The following ANKDD1B variants were observed in gnomAD, a reference collection of about 807,000 sequenced individuals.
ANKDD1B encodes ankyrin repeat and death domain containing 1B.
In ANKDD1B, 57 loss-of-function variants were observed where a neutral mutation model predicts 59.7. The ratio of observed to expected loss-of-function variants is 0.95; its 90% CI spans 0.77 to 1.19. ANKDD1B has a LOEUF of 1.19. Ranked by LOEUF, ANKDD1B falls within the 50% of genes most tolerant of loss-of-function variation. The pLI, the probability that ANKDD1B is intolerant of heterozygous loss-of-function variation, is 0.00. For missense variants in ANKDD1B, 602 were observed against 641.9 expected (o/e 0.94, Z 0.67); for synonymous variants, 216 against 239.5 (o/e 0.90, Z 0.91).
At chr5:75,657,924 T>C (rs533251410) in intron 9 of ANKDD1B, among the ~76,000 whole-genome samples, 9 of 151,904 alleles carry the variant, frequency 5.9e-5, no homozygotes, top group African/African-American at 2.2e-4. Context: ...AGAAATACTT[T>C]TTGGAAGCCA....
chr5:75,651,803 G>A (rs1041247171), intron 7 of ANKDD1B, among the ~76,000 whole-genome samples: 4 of 152,176 alleles, frequency 2.6e-5, no homozygotes, highest in Non-Finnish European at 5.9e-5. Context: ...ATAAAATTGG[G>A]TGACTTAACA....
chr5:75,669,373 A>G lies in ANKDD1B; in HGVS notation c.1515A>G (p.Pro505=). The change falls in exon 13 of 14, where the codon CCA becomes CCG. Residue 505 remains proline (P), a synonymous_variant. Transcript: ENST00000601380. ...LYEELVHAGF[P]KLAEKTRHFK... is the part of the protein sequence containing the mutation. Reference sequence around the variant, plus strand: ...AAGAGCTGGTACACGCAGGTTTCCCAAAACTAGCTGGTAAGTGACAGTTTC... The same window carrying G: ...AAGAGCTGGTACACGCAGGTTTCCCGAAACTAGCTGGTAAGTGACAGTTTC... The G allele has an allele frequency of 8.1e-7, 1 of 1,232,166 alleles. No homozygotes were observed. The highest frequency in any genetic ancestry group is 1.0e-6 in the Non-Finnish European group (1 of 987,924). The allele number at this position is 1,232,166 out of a possible 1,614,324, so 76.3% of individuals were successfully genotyped here.
chr5:75,669,472 C>T (rs1775413278), intron 13 of ANKDD1B, 89 bp downstream of exon 13: 1 of 1,145,704 alleles, frequency 8.7e-7, no homozygotes, highest in Non-Finnish European at 1.1e-6. Flanking sequence ...CAGCTACAGC[C>T]CCAGCGTGGT....
chr5:75,642,461 T>TTCCGA (rs1774500056), intron 7 of ANKDD1B, among the ~76,000 whole-genome samples: 1 of 140,664 alleles, frequency 7.1e-6, no homozygotes, highest in South Asian at 2.5e-4. Context: ...GGGAGTTCCC[T>TTCCGA]TTCCGAGTCA....
rs559207039 is a variant in ANKDD1B at position 75,646,824 on chromosome 5, G to A, written c.799-6318G>A. 3.4e-4 allele frequency among the ~76,000 whole-genome samples: 38 copies of A among 113,124 alleles called. 6 individuals are homozygous for A. Among genetic ancestry groups the A allele is most frequent in the Middle Eastern group, 4.1e-3 (1 of 242 alleles). 74.2% of individuals were successfully genotyped at this position (113,124 alleles called of 152,430 possible). A position where few individuals can be genotyped will look rare whatever the true frequency, so the allele number is the denominator to read the frequency against. ...CCTAAGCCAAAAGAACAAAGCTGGA[G>A]GCATCACACTACCTGACTTCAAACT... On this transcript the variant is annotated intron_variant, in intron 7 of 13. Transcript: ENST00000601380.
intron 5 of ANKDD1B, among the ~76,000 whole-genome samples, chr5:75,629,610 C>CA (rs10629729): frequency 0.014 from 1,987 of 146,168 alleles, 48 homozygotes; most frequent in African/African-American, 0.045. Flanking sequence ...ACTTAACATG[C>CA]AAAAAAAAAA....
rs536005886 is a variant in ANKDD1B, at chr5:75,669,048, C to A, written c.1394-204C>A. Among the ~76,000 whole-genome samples, 5 of 152,300 alleles carry A rather than the reference C, an allele frequency of 3.3e-5. No homozygotes were observed. The South Asian group carries it at 1.0e-3, about 32-fold the overall frequency. On this transcript the variant is annotated intron_variant, in intron 12 of 13. Coordinates refer to ENST00000601380, the MANE Select transcript of ANKDD1B (RefSeq NM_001276713.2). ...TACACTCCTTTGGGTGTGTGCCAAGCATAGCAGGTGCATAGCACAGGCTGG... is the reference window on the plus strand; with the variant it reads ...TACACTCCTTTGGGTGTGTGCCAAGAATAGCAGGTGCATAGCACAGGCTGG...
chr5:75,669,030 C>T (rs959610885), intron 12 of ANKDD1B, among the ~76,000 whole-genome samples: 1 of 152,184 alleles, frequency 6.6e-6, no homozygotes, highest in African/African-American at 2.4e-5. Flanking sequence ...TTGTACACTC[C>T]TTTGGGTGTG....
rs185766151 is a variant in ANKDD1B at position 75,637,515 on chromosome 5, A to T, written c.798+1633A>T. On this transcript the variant is annotated intron_variant, in intron 7 of 13. Coordinates refer to ENST00000601380, the MANE Select transcript of ANKDD1B (RefSeq NM_001276713.2). ...TACGGAAAGAACTAGTATCATAATC[A>T]TTTACCTTAAGATACCATTGATTGT... Among the ~76,000 whole-genome samples the T allele has an allele frequency of 1.1e-3, 162 of 152,212 alleles. 1 individual carries two copies. The highest frequency in any genetic ancestry group is 7.4e-3 in the Admixed American group (113 of 15,294).
Position 75,611,592 on chromosome 5 carries a change from G to T in ANKDD1B, c.-43G>T. 8.6e-7 allele frequency: 1 copy of T among 1,168,242 alleles called. No homozygotes were observed. The highest frequency in any genetic ancestry group is 1.1e-6 in the Non-Finnish European group (1 of 935,576). 72.4% of individuals were successfully genotyped at this position (1,168,242 alleles called of 1,614,324 possible). On this transcript the variant is annotated 5_prime_UTR_variant, in exon 1 of 14. Transcript: ENST00000601380. ...CGAGTCTGGGTCTGGATCTGGGTCC[G>T]AGTCTGGGTCTGGCCCTGCGCTCAG...
chr5:75,625,273 A>T (rs1272490922), intron 3 of ANKDD1B, among the ~76,000 whole-genome samples: 3 of 152,320 alleles, frequency 2.0e-5, no homozygotes, highest in African/African-American at 7.2e-5. Flanking sequence ...TATCTTTATT[A>T]AAGATACATT....
At chr5:75,642,306 A>G (rs945150159) in intron 7 of ANKDD1B, among the ~76,000 whole-genome samples, 1 of 152,044 alleles carries the variant, frequency 6.6e-6, no homozygotes, top group African/African-American at 2.4e-5. Flanking sequence ...CGCAGAAGAC[A>G]GGTGATTTCT....
intron 12 of ANKDD1B, 21 bp downstream of exon 12, chr5:75,667,014 G>A (rs1028276505): frequency 7.2e-7 from 1 of 1,396,568 alleles, no homozygotes. Flanking sequence ...ACTAGATGAT[G>A]TGGGCAGGAG....
At chr5:75,635,905 G>A (rs1263373753) in intron 7 of ANKDD1B, 23 bp downstream of exon 7, 38 of 1,427,578 alleles carry the variant, frequency 2.7e-5, no homozygotes, top group Non-Finnish European at 3.6e-5. Flanking sequence ...GCTCGTTATT[G>A]CCATAGGACT....
Position 75,653,180 on chromosome 5 carries a change from C to A in ANKDD1B, c.837C>A (p.Gly279=), listed in dbSNP as rs200314468. 10 of 1,536,068 alleles carry A rather than the reference C, an allele frequency of 6.5e-6. No homozygotes were observed. The highest frequency in any genetic ancestry group is 8.7e-6 in the Non-Finnish European group (10 of 1,146,866). Residue 279 remains glycine, a synonymous_variant, in exon 8 of 14, where the codon GGC becomes GGA. Coordinates refer to ENST00000601380, the MANE Select transcript of ANKDD1B (RefSeq NM_001276713.2). ...GTTTGCAGATAGCAACCAGGAACGG[C>A]CATGCATCCCTTGTCAACTTTCTTC... ...ISSLQIATRN[G]HASLVNFLLS...
At position 75,611,767 on chromosome 5, in the gene ANKDD1B, C is replaced by T; in HGVS notation, c.133C>T (p.Arg45Trp). The T allele has an allele frequency of 8.1e-7, 1 of 1,231,970 alleles. No homozygotes were observed. The highest frequency in any genetic ancestry group is 1.0e-6 in the Non-Finnish European group (1 of 988,072). 76.3% of individuals were successfully genotyped at this position (1,231,970 alleles called of 1,614,324 possible). A position where few individuals can be genotyped will look rare whatever the true frequency, so the allele number is the denominator to read the frequency against. Residue 45 changes from arginine to tryptophan, a missense_variant, in exon 1 of 14, where the codon CGG (arginine) becomes TGG (tryptophan). This residue lies in a region of ANKDD1B where 317 missense variants were observed against 304.6 expected (regional missense o/e 1.04). Transcript: ENST00000601380. ...AAALPWRSLS[R>W]IPKREGLGEE... is the part of the protein sequence containing the mutation. ...CGCCCTGCCTTGGAGGAGCCTGTCC[C>T]GGATCCCGAAGCGGGAGGGTCTTGG...
chr5:75,619,259 T>C (rs539878264), intron 2 of ANKDD1B, among the ~76,000 whole-genome samples: 1 of 152,356 alleles, frequency 6.6e-6, no homozygotes, highest in Non-Finnish European at 1.5e-5. Flanking sequence ...ATCACAACCT[T>C]ACACAGAAAA....
At position 75,631,222 on chromosome 5, in the gene ANKDD1B, T is replaced by C. The variant is rs1408876319; in HGVS notation, c.601-3676T>C. On this transcript the variant is annotated intron_variant, in intron 5 of 13. Transcript: ENST00000601380. ...GCCACACTAGGGCACAAGACCTTCA[T>C]GTATTATTTGTGGTCTCTGTGCATA... Among the ~76,000 whole-genome samples the C allele has an allele frequency of 2.0e-5, 3 of 152,316 alleles. No homozygotes were observed. In the East Asian group the frequency reaches 5.8e-4, roughly 29 times the overall value.
intron 7 of ANKDD1B, among the ~76,000 whole-genome samples, chr5:75,647,389 T>G (rs1774660433): frequency 1.6e-5 from 2 of 126,476 alleles, no homozygotes; most frequent in South Asian, 2.2e-4. Context: ...TACAATGAAT[T>G]CAAACAAATT....
Sources: allele counts gnomAD v4.1 joint callset (sites outside exome capture counted in the v4.1 genomes callset), GRCh38; gene constraint gnomAD v4.1.1; regional missense constraint gnomAD v4.1.1; transcripts MANE v1.5; gene names NCBI Gene and HGNC (gene_info 2026-07-23, HGNC 2026-07-21).